Variants in DMC1 observed in about 807,000 individuals in gnomAD.
DMC1 encodes meiotic recombination protein DMC1 homolog.
In DMC1, 27 loss-of-function variants were observed where a neutral mutation model predicts 50.1. The ratio of observed to expected loss-of-function variants is 0.54; its 90% confidence interval spans 0.40 to 0.74. DMC1 has a LOEUF of 0.74. Among genes scored for constraint, DMC1 ranks in the 30% least tolerant of loss-of-function variants. The pLI, the probability that DMC1 is intolerant of heterozygous loss-of-function variation, is 0.00. For missense variants in DMC1, 295 were observed against 420.2 expected (o/e 0.70, Z 2.60); for synonymous variants, 148 against 136.1 (o/e 1.09, Z -0.61).
intron 11 of DMC1, 152 bp from the exon 12 acceptor site, chr22:38,537,804 ATT>A: frequency 3.1e-6 from 2 of 648,606 alleles, no homozygotes; most frequent in South Asian, 1.8e-5. Flanking sequence ...AACAGAAATT[ATT>A]TGTTATTATT....
chr22:38,543,107 G>T (rs1050388023), intron 8 of DMC1, among the ~76,000 whole-genome samples: 4 of 152,096 alleles, frequency 2.6e-5, no homozygotes, highest in African/African-American at 9.7e-5. Flanking sequence ...ACTACTAAAA[G>T]GAAGCATTGG....
At chr22:38,533,285 A>G (rs999161021) in intron 12 of DMC1, among the ~76,000 whole-genome samples, 2 of 151,444 alleles carry the variant, frequency 1.3e-5, no homozygotes, top group African/African-American at 4.9e-5. Flanking sequence ...GTCCCAAGCT[A>G]CTAGGGAGGC....
chr22:38,546,861 A>AAG (rs1156576202), intron 8 of DMC1, among the ~76,000 whole-genome samples: 1 of 152,180 alleles, frequency 6.6e-6, no homozygotes, highest in Non-Finnish European at 1.5e-5. Flanking sequence ...ATTAACAGCC[A>AAG]AGAGTGAGAG....
intron 7 of DMC1, among the ~76,000 whole-genome samples, chr22:38,551,856 C>CTTTTTTT (rs71761663): frequency 4.3e-5 from 4 of 93,182 alleles, no homozygotes; most frequent in African/African-American, 8.4e-5. Context: ...GAACTCCTTT[C>CTTTTTTT]TTTTTTTTTT....
At chr22:38,553,993 G>C (rs538085773) in intron 6 of DMC1, among the ~76,000 whole-genome samples, 7 of 149,216 alleles carry the variant, frequency 4.7e-5, no homozygotes, top group African/African-American at 1.7e-4. Context: ...TCAGCCAGGC[G>C]TGGTGGCAGT....
chr22:38,523,434 A>G (rs867421287), intron 12 of DMC1, among the ~76,000 whole-genome samples: 1 of 152,194 alleles, frequency 6.6e-6, no homozygotes, highest in African/African-American at 2.4e-5. Context: ...CCCTGAGGAT[A>G]TTCTCAACTG....
intron 4 of DMC1, among the ~76,000 whole-genome samples, 189 bp downstream of exon 4, chr22:38,566,401 C>T (rs1172944044): frequency 6.6e-6 from 1 of 152,128 alleles, no homozygotes; most frequent in Non-Finnish European, 1.5e-5. Context: ...TTAATCCCTA[C>T]CTTCATCTTT....
chr22:38,550,666 C>T (rs1203794557), intron 7 of DMC1, among the ~76,000 whole-genome samples: 1 of 148,980 alleles, frequency 6.7e-6, no homozygotes, highest in Non-Finnish European at 1.5e-5. Context: ...CATGGTGGCT[C>T]ATGCCTGTAA....
intron 12 of DMC1, among the ~76,000 whole-genome samples, chr22:38,526,193 TTG>T (rs1034927971): frequency 8.6e-5 from 13 of 152,016 alleles, no homozygotes; most frequent in African/African-American, 3.1e-4. Context: ...GTTCAGGATT[TTG>T]TGTCAAATTT....
intron 8 of DMC1, among the ~76,000 whole-genome samples, chr22:38,544,499 T>A (rs1269712873): frequency 6.6e-6 from 1 of 152,194 alleles, no homozygotes; most frequent in Non-Finnish European, 1.5e-5. Flanking sequence ...TTCTTACATA[T>A]ACTGATAGAT....
chr22:38,521,686 A>G lies in DMC1; in HGVS notation c.875T>C (p.Ile292Thr), dbSNP rs1162362117. ...TCTTGTTGTTGAAGCATGAGCCAGA[A>G]TGTGTCCCCCAATGGGTTTTTTGGG... ...ADPKKPIGGH[I>T]LAHASTTRIS... Residue 292 changes from isoleucine to threonine, a missense_variant, in exon 13 of 14, where the codon ATT (isoleucine) becomes ACT (threonine). Transcript: ENST00000216024. 1 of 1,613,782 alleles carries G rather than the reference A, an allele frequency of 6.2e-7. No individual in the cohort carries two copies. Among genetic ancestry groups the G allele is most frequent in the Admixed American group, 1.7e-5 (1 of 59,956 alleles).
At chr22:38,514,032 C>A (rs1259367048), downstream of DMC1, among the ~76,000 whole-genome samples, 1 of 152,148 alleles carries the variant, frequency 6.6e-6, no homozygotes, top group African/African-American at 2.4e-5. Flanking sequence ...GCAGCAAGAT[C>A]GAGTCCTGAG....
At chr22:38,521,894 G>T (rs2090033085) in intron 12 of DMC1, among the ~76,000 whole-genome samples, 170 bp from the exon 13 acceptor site, 1 of 151,872 alleles carries the variant, frequency 6.6e-6, no homozygotes, top group African/African-American at 2.4e-5. Flanking sequence ...TTTTGGAGCT[G>T]CTATATACCC....
intron 12 of DMC1, among the ~76,000 whole-genome samples, chr22:38,530,168 T>C (rs186874906): frequency 3.4e-4 from 52 of 152,020 alleles, no homozygotes; most frequent in Non-Finnish European, 5.6e-4. Flanking sequence ...AGTTTTGCCA[T>C]GTTGGCCAGG....
chr22:38,548,499 T>C (rs1330933455), intron 8 of DMC1, among the ~76,000 whole-genome samples: 2 of 152,040 alleles, frequency 1.3e-5, no homozygotes, highest in African/African-American at 4.8e-5. Flanking sequence ...CACTTGACCC[T>C]GGGAGTTCGA....
rs372896679 is a variant in DMC1, at chr22:38,568,171, G to C, written c.51+35C>G. The C allele has an allele frequency of 3.1e-6, 5 of 1,594,350 alleles. No homozygotes were observed. In the African/African-American group the frequency reaches 5.4e-5, roughly 17 times the overall value. Reference sequence around the variant, plus strand: ...GGAACTTGATTTTTGCGGAATGATCGAATGTCTATATATCTTTCAACATTT... The same window carrying C: ...GGAACTTGATTTTTGCGGAATGATCCAATGTCTATATATCTTTCAACATTT... On this transcript the variant is annotated intron_variant, in intron 2 of 13. Coordinates refer to ENST00000216024, the MANE Select transcript of DMC1 (RefSeq NM_007068.4).
chr22:38,526,988 G>A (rs1041084055), intron 12 of DMC1, among the ~76,000 whole-genome samples: 2 of 152,122 alleles, frequency 1.3e-5, no homozygotes, highest in Admixed American at 6.6e-5. Flanking sequence ...TGCCTGCAAG[G>A]CTGAGGGCTC....
intron 8 of DMC1, among the ~76,000 whole-genome samples, chr22:38,548,499 TG>T (rs2090368735): frequency 6.6e-6 from 1 of 152,040 alleles, no homozygotes; most frequent in African/African-American, 2.4e-5. Context: ...CACTTGACCC[TG>T]GGAGTTCGAG....
At chr22:38,560,073 G>A (rs940052453) in intron 5 of DMC1, among the ~76,000 whole-genome samples, 2 of 151,732 alleles carry the variant, frequency 1.3e-5, no homozygotes, top group Admixed American at 6.6e-5. Flanking sequence ...AAAATATGTA[G>A]TACATCAGAT....
Sources: allele counts gnomAD v4.1 joint callset (sites outside exome capture counted in the v4.1 genomes callset), GRCh38; gene constraint gnomAD v4.1.1; transcripts MANE v1.5; gene names NCBI Gene and HGNC (gene_info 2026-07-23, HGNC 2026-07-21).